The following NUMB variants were observed in gnomAD, a reference collection of about 807,000 sequenced individuals.
NUMB encodes the protein NUMB endocytic adaptor protein.
In NUMB, 29 loss-of-function variants were observed where a neutral mutation model predicts 59.7. The observed-to-expected ratio is 0.49, with a 90% confidence interval of 0.36 to 0.66. The LOEUF is 0.66. NUMB is among the 30% of genes least tolerant of loss of function. NUMB has a pLI of 0.00. For synonymous variants in NUMB, 288 were observed against 288.2 expected (o/e 1.00, Z 0.01); for missense variants, 723 against 822.0 (o/e 0.88, Z 1.47).
intron 2 of NUMB, among the ~76,000 whole-genome samples, chr14:73,374,095 C>G (rs1164399158): frequency 1.3e-5 from 2 of 152,082 alleles, no homozygotes; most frequent in Admixed American, 6.5e-5. Flanking sequence ...GTCTCGAACC[C>G]CTGACCTTAG....
At chr14:73,306,766 C>A (rs962608266) in intron 6 of NUMB, among the ~76,000 whole-genome samples, 1 of 152,208 alleles carries the variant, frequency 6.6e-6, no homozygotes, top group Non-Finnish European at 1.5e-5. Flanking sequence ...GTAACCATGT[C>A]TTTACCTATC....
intron 4 of NUMB, among the ~76,000 whole-genome samples, chr14:73,351,218 A>C (rs1377441717): frequency 6.6e-6 from 1 of 152,232 alleles, no homozygotes; most frequent in Non-Finnish European, 1.5e-5. Flanking sequence ...TCATGCCTGC[A>C]ATCCCAGGAC....
At chr14:73,323,226 A>G (rs375187432) in intron 4 of NUMB, 22 bp from the exon 5 acceptor site, 11 of 1,545,154 alleles carry the variant, frequency 7.1e-6, no homozygotes, top group Admixed American at 1.7e-5. Context: ...AGGAAAAGTT[A>G]GGGCTATTGC....
chr14:73,340,987 C>T (rs542682577), intron 4 of NUMB, among the ~76,000 whole-genome samples: 1 of 152,342 alleles, frequency 6.6e-6, no homozygotes, highest in Admixed American at 6.5e-5. Context: ...TCACACTGAG[C>T]TGCTCTCTCC....
rs1337429907 is a variant in NUMB, at chr14:73,276,149, C to T, written c.*429G>A. The T allele has an allele frequency of 6.2e-6, 1 of 160,572 alleles. No individual in the cohort carries two copies. The highest frequency in any genetic ancestry group is 2.4e-5 in the African/African-American group (1 of 41,560). 9.9% of individuals were successfully genotyped at this position (160,572 alleles called of 1,614,324 possible). A position where few individuals can be genotyped will look rare whatever the true frequency, so the allele number is the denominator to read the frequency against. ...TTCCCCAGCCTGAGCACAAACCACT[C>T]TTCTTGATCTCTAATACAGGCCACT... On this transcript the variant is annotated 3_prime_UTR_variant, in exon 13 of 13. Coordinates refer to ENST00000555238, the MANE Select transcript of NUMB (RefSeq NM_001005743.2).
chr14:73,276,857 C>T lies in NUMB; in HGVS notation c.1677G>A (p.Gln559=), dbSNP rs377642292. Residue 559 remains glutamine (Q), a synonymous_variant, in exon 13 of 13, where the codon CAG becomes CAA. Transcript: ENST00000555238. ...TTGCCTCGTAGTGAGGGAATGTCTG[C>T]TGCCTGACCAGGCTGGGTGACTGAT... ...HPHQSPSLVR[Q]QTFPHYEASS... is the part of the protein sequence containing the mutation. The T allele has an allele frequency of 1.1e-5, 18 of 1,613,984 alleles. No homozygotes were observed. The highest frequency in any genetic ancestry group is 1.4e-5 in the Non-Finnish European group (16 of 1,180,006).
chr14:73,428,199 A>G (rs1897669279), intron 1 of NUMB, among the ~76,000 whole-genome samples: 1 of 152,214 alleles, frequency 6.6e-6, no homozygotes, highest in African/African-American at 2.4e-5. Flanking sequence ...TTAATAAAAT[A>G]TGAGTCAAAT....
chr14:73,311,589 C>T (rs1890781070), intron 6 of NUMB, among the ~76,000 whole-genome samples: 9 of 152,146 alleles, frequency 5.9e-5, no homozygotes, highest in Admixed American at 5.9e-4. Context: ...AGAAGGTTTT[C>T]CTGGCTATGA....
chr14:73,389,296 AAAAC>A lies in NUMB; in HGVS notation c.-101+20637_-101+20640del, dbSNP rs1249145117. 6.4e-4 allele frequency among the ~76,000 whole-genome samples: 88 copies of A among 138,422 alleles called. 5 individuals are homozygous for A. Among genetic ancestry groups the A allele is most frequent in the South Asian group, 2.8e-3 (12 of 4,224 alleles). 90.8% of individuals were successfully genotyped at this position (138,422 alleles called of 152,430 possible). On this transcript the variant is annotated intron_variant, in intron 2 of 12. Coordinates refer to ENST00000555238, the MANE Select transcript of NUMB (RefSeq NM_001005743.2). ...TCAAAAAAAAAAAAAAAAAAAAACA[AAAAC>A]AAAAACACTGGTCTCTGTTTTATAC...
chr14:73,340,240 C>T (rs554561236), intron 4 of NUMB, among the ~76,000 whole-genome samples: 6 of 152,294 alleles, frequency 3.9e-5, no homozygotes, highest in Non-Finnish European at 8.8e-5. Flanking sequence ...TAGTAGATTA[C>T]GAAGACAGAG....
At chr14:73,396,034 A>AT (rs906381803) in intron 2 of NUMB, among the ~76,000 whole-genome samples, 17 of 152,046 alleles carry the variant, frequency 1.1e-4, no homozygotes, top group Non-Finnish European at 1.8e-4. Context: ...TTTTATTTTT[A>AT]TTTTTTTTAT....
intron 2 of NUMB, among the ~76,000 whole-genome samples, chr14:73,400,242 A>G (rs1220904115): frequency 6.6e-6 from 1 of 152,158 alleles, no homozygotes; most frequent in Non-Finnish European, 1.5e-5. Flanking sequence ...GGAGACAGGA[A>G]AAGGATCAGT....
At position 73,355,606 on chromosome 14, in the gene NUMB, A is replaced by G. The variant is rs1767671982; in HGVS notation, c.126+20T>C. On this transcript the variant is annotated intron_variant, in intron 4 of 12. Coordinates refer to ENST00000555238, the MANE Select transcript of NUMB (RefSeq NM_001005743.2). ...TCAGTTCTTTTCCACATACAGACTTATAGAAACATCAGCTCTTACCTTAAC... is the reference window on the plus strand; with the variant it reads ...TCAGTTCTTTTCCACATACAGACTTGTAGAAACATCAGCTCTTACCTTAAC... 6.2e-7 allele frequency: 1 copy of G among 1,606,290 alleles called. No homozygotes were observed. Among genetic ancestry groups the G allele is most frequent in the East Asian group, 2.2e-5 (1 of 44,728 alleles).
At chr14:73,336,035 C>T (rs903462659) in intron 4 of NUMB, among the ~76,000 whole-genome samples, 4 of 152,030 alleles carry the variant, frequency 2.6e-5, no homozygotes, top group Admixed American at 6.6e-5. Context: ...AAGTTTAGAA[C>T]TGAAAAAAAT....
chr14:73,293,861 T>C (rs1287864730), intron 7 of NUMB, among the ~76,000 whole-genome samples: 5 of 152,270 alleles, frequency 3.3e-5, no homozygotes, highest in Non-Finnish European at 7.3e-5. Context: ...GTACTAGTTG[T>C]GGTGATGCTA....
At chr14:73,441,923 G>A (rs1028123915) in intron 1 of NUMB, among the ~76,000 whole-genome samples, 7 of 151,946 alleles carry the variant, frequency 4.6e-5, no homozygotes, top group African/African-American at 1.4e-4. Flanking sequence ...AATTGTTGGC[G>A]ACAATGCAGA....
At chr14:73,396,108 G>T (rs570312413) in intron 2 of NUMB, among the ~76,000 whole-genome samples, 11 of 152,090 alleles carry the variant, frequency 7.2e-5, no homozygotes, top group Admixed American at 4.6e-4. Flanking sequence ...TGTAGAGATA[G>T]GGACTTATTC....
Position 73,398,415 on chromosome 14 carries a change from AGTGTGTGTGTGTGT to A in NUMB, c.-101+11508_-101+11521del, listed in dbSNP as rs57407662. On this transcript the variant is annotated intron_variant, in intron 2 of 12. Coordinates refer to ENST00000555238, the MANE Select transcript of NUMB (RefSeq NM_001005743.2). ...CACAGAGAGAGAGAGAGAGAGAGAG[AGTGTGTGTGTGTGT>A]GTGTGTGTGTGTGTGTGTGTGTGTT... Among the ~76,000 whole-genome samples the A allele has an allele frequency of 8.3e-4, 99 of 118,878 alleles. 1 individual carries two copies. Among genetic ancestry groups the A allele is most frequent in the African/African-American group, 1.3e-3 (38 of 30,182 alleles). The allele number at this position is 118,878 out of a possible 152,430, so 78.0% of individuals were successfully genotyped here.
intron 2 of NUMB, among the ~76,000 whole-genome samples, chr14:73,382,004 C>T (rs1351749818): frequency 1.3e-5 from 2 of 152,180 alleles, no homozygotes; most frequent in African/African-American, 2.4e-5. Context: ...TTACAGTTCA[C>T]AGCTACCAAG....
Sources: allele counts gnomAD v4.1 joint callset (sites outside exome capture counted in the v4.1 genomes callset), GRCh38; gene constraint gnomAD v4.1.1; transcripts MANE v1.5; gene names NCBI Gene and HGNC (gene_info 2026-07-23, HGNC 2026-07-21).